KCNIP3: variants seen among roughly 807,000 people sequenced by gnomAD.
The protein encoded by KCNIP3 is potassium voltage-gated channel interacting protein 3, also known as calsenilin.
Under a neutral mutation model 35.0 loss-of-function variants are expected in KCNIP3, and 28 were observed. That is an observed-to-expected ratio of 0.80 (90% CI 0.59 to 1.10). KCNIP3 has a LOEUF of 1.10. Ranked by LOEUF, KCNIP3 falls within the 50% of genes least tolerant of loss-of-function variation. KCNIP3 has a pLI of 0.00. For synonymous variants in KCNIP3, 134 were observed against 133.8 expected (o/e 1.00, Z -0.01); for missense variants, 295 against 338.4 (o/e 0.87, Z 1.01).
intron 1 of KCNIP3, chr2:95,303,195 C>T (rs1469226335): frequency 2.0e-5 from 3 of 152,364 alleles, no homozygotes; most frequent in African/African-American, 7.2e-5. Flanking sequence ...GATGGGCCTC[C>T]TCAAGACGAA....
At chr2:95,347,194 CGCACGCCGGGGT>C in intron 2 of KCNIP3, 1 of 1,334,312 alleles carries the variant, frequency 7.5e-7, no homozygotes. Flanking sequence ...GACCAGTACC[CGCACGCCGGGGT>C]GCACTGGTCT....
chr2:95,374,252 C>T, intron 2 of KCNIP3, 44 bp from the exon 3 acceptor site: 1 of 1,595,656 alleles, frequency 6.3e-7, no homozygotes, highest in Non-Finnish European at 8.6e-7. Context: ...GATGGAGGAG[C>T]AGGGCTACAG....
At chr2:95,374,262 G>A (rs1355457137) in intron 2 of KCNIP3, 34 bp from the exon 3 acceptor site, 2 of 1,608,522 alleles carry the variant, frequency 1.2e-6, no homozygotes, top group Non-Finnish European at 1.7e-6. Flanking sequence ...CAGGGCTACA[G>A]GCCTTACACT....
chr2:95,358,980 A>C (rs1679724540), intron 2 of KCNIP3, among the ~76,000 whole-genome samples: 1 of 151,880 alleles, frequency 6.6e-6, no homozygotes, highest in Admixed American at 6.6e-5. Context: ...AAACCAAACA[A>C]ATTTTTTTTT....
chr2:95,383,972 C>G, intron 8 of KCNIP3, 30 bp from the exon 9 acceptor site: 1 of 1,611,346 alleles, frequency 6.2e-7, no homozygotes, highest in Non-Finnish European at 8.5e-7. Context: ...CACCCAGCAC[C>G]TGAAGGCCTC....
At chr2:95,383,386 C>T in intron 8 of KCNIP3, 92 bp downstream of exon 8, 2 of 1,244,392 alleles carry the variant, frequency 1.6e-6, no homozygotes, top group East Asian at 2.5e-5. Context: ...TCACCCCAGT[C>T]CCACCCCTGC....
intron 2 of KCNIP3, among the ~76,000 whole-genome samples, chr2:95,326,309 T>TAC (rs201143580): frequency 3.3e-5 from 5 of 151,746 alleles, no homozygotes; most frequent in Non-Finnish European, 5.9e-5. Flanking sequence ...CACATACACA[T>TAC]ACACACACAC....
intron 3 of KCNIP3, 31 bp downstream of exon 3, chr2:95,374,451 C>G: frequency 6.2e-7 from 1 of 1,608,996 alleles, no homozygotes; most frequent in Non-Finnish European, 8.5e-7. Context: ...CGGGAGAGGC[C>G]TTGGAGACCC....
At chr2:95,318,997 A>C (rs1482736702) in intron 2 of KCNIP3, among the ~76,000 whole-genome samples, 2 of 152,242 alleles carry the variant, frequency 1.3e-5, no homozygotes, top group African/African-American at 4.8e-5. Context: ...CTGCCACAGC[A>C]TCTCCAGGGA....
chr2:95,302,498 G>T (rs561320621), intron 1 of KCNIP3, among the ~76,000 whole-genome samples: 14 of 152,318 alleles, frequency 9.2e-5, no homozygotes, highest in African/African-American at 2.9e-4. Flanking sequence ...AGCTGAGAGC[G>T]GCACATTGGG....
Position 95,368,773 on chromosome 2 carries a change from C to A in KCNIP3, c.182-5523C>A. 3 of 241,490 alleles carry A rather than the reference C, an allele frequency of 1.2e-5. No individual in the cohort carries two copies. In the South Asian group the frequency reaches 2.4e-4, roughly 20 times the overall value. 15.0% of individuals were successfully genotyped at this position (241,490 alleles called of 1,614,324 possible). A position where few individuals can be genotyped will look rare whatever the true frequency, so the allele number is the denominator to read the frequency against. ...GACTGATAATCACTGTTGGTTTGGT[C>A]ACATTTCCACCTGCCCAGTGGCAAA... is the stretch of plus-strand genomic sequence containing the variant. On this transcript the variant is annotated intron_variant, in intron 2 of 8. Coordinates refer to ENST00000295225, the MANE Select transcript of KCNIP3 (RefSeq NM_013434.5).
In KCNIP3 at chr2:95,376,496, GC is replaced by G. The variant is rs1680196487; in HGVS notation, c.447+1291del. On this transcript the variant is annotated intron_variant, in intron 5 of 8. Coordinates refer to ENST00000295225, the MANE Select transcript of KCNIP3 (RefSeq NM_013434.5). The surrounding 1 kb of genome is among the most constrained non-coding windows in gnomAD (Gnocchi z 4.2). ...TGGCCCTTTAAGGAAGCAGGTGGCAGCCCTCTGGGCTGGGTCTGTCAGTGGC... is the reference window on the plus strand; with the variant it reads ...TGGCCCTTTAAGGAAGCAGGTGGCAGCCTCTGGGCTGGGTCTGTCAGTGGC... Among the ~76,000 whole-genome samples, 1 of 152,220 alleles carries G rather than the reference GC, an allele frequency of 6.6e-6. No individual in the cohort carries two copies. Among genetic ancestry groups the G allele is most frequent in the Admixed American group, 6.5e-5 (1 of 15,292 alleles).
At chr2:95,353,133 G>C (rs1255364294) in intron 2 of KCNIP3, among the ~76,000 whole-genome samples, 1 of 152,226 alleles carries the variant, frequency 6.6e-6, no homozygotes, top group South Asian at 2.1e-4. Context: ...TCTGGCTGGG[G>C]CAGGAGTGTC....
chr2:95,354,802 C>T (rs1184919652), intron 2 of KCNIP3, among the ~76,000 whole-genome samples: 1 of 152,218 alleles, frequency 6.6e-6, no homozygotes, highest in Admixed American at 6.5e-5. Context: ...TCCTTTCCCC[C>T]AACACCCTCT....
chr2:95,323,313 G>C (rs1573489366), intron 2 of KCNIP3, among the ~76,000 whole-genome samples: 1 of 152,294 alleles, frequency 6.6e-6, no homozygotes, highest in South Asian at 2.1e-4. Context: ...GGAGTTTTTT[G>C]GGAAGGTGGG....
Position 95,374,335 on chromosome 2 carries a change from A to G in KCNIP3, c.221A>G (p.His74Arg). The G allele has an allele frequency of 1.2e-6, 2 of 1,614,132 alleles. No homozygotes were observed. Among genetic ancestry groups the G allele is most frequent in the Non-Finnish European group, 1.7e-6 (2 of 1,179,966 alleles). Residue 74 changes from histidine to arginine, a missense_variant, in exon 3 of 9, where the codon CAC (histidine) becomes CGC (arginine). Transcript: ENST00000295225. Reference protein sequence around the residue: ...DSELELSTVRHQPEGLDQLQA... With the variant: ...DSELELSTVRRQPEGLDQLQA... ...GAGCTGGAGCTGTCCACGGTGCGCC[A>G]CCAGCCAGAGGGGCTGGACCAGCTG...
In KCNIP3 at chr2:95,384,131, C is replaced by A; in HGVS notation, c.*82C>A. On this transcript the variant is annotated 3_prime_UTR_variant, in exon 9 of 9. Coordinates refer to ENST00000295225, the MANE Select transcript of KCNIP3 (RefSeq NM_013434.5). ...CCTGCCAGGAGCAGCCTCCAAGAAA[C>A]TTTTAAAAAATAGATTTGCAAAAAG... 1 of 1,287,194 alleles carries A rather than the reference C, an allele frequency of 7.8e-7. No individual in the cohort carries two copies. Among genetic ancestry groups the A allele is most frequent in the Non-Finnish European group, 1.1e-6 (1 of 885,592 alleles). 79.7% of individuals were successfully genotyped at this position (1,287,194 alleles called of 1,614,324 possible).
chr2:95,344,513 G>C (rs549986349), intron 2 of KCNIP3, among the ~76,000 whole-genome samples: 1 of 152,384 alleles, frequency 6.6e-6, no homozygotes, highest in South Asian at 2.1e-4. Flanking sequence ...GGCACAGCCA[G>C]AGGATCGATG....
chr2:95,339,993 A>T (rs1679153094), intron 2 of KCNIP3, among the ~76,000 whole-genome samples: 1 of 152,108 alleles, frequency 6.6e-6, no homozygotes, highest in Non-Finnish European at 1.5e-5. Flanking sequence ...AGTTCCAGCC[A>T]GTGGGAAAAG....
Sources: gnomAD v4.1 joint callset for allele counts (sites outside exome capture counted in the v4.1 genomes callset) on GRCh38, gnomAD v4.1.1 for gene constraint, Gnocchi (gnomAD v3.1) non-coding constraint, MANE v1.5 for transcripts, NCBI Gene and HGNC (gene_info 2026-07-23, HGNC 2026-07-21) for gene names.